The following IL26 variants were observed in gnomAD, a reference collection of about 807,000 sequenced individuals.
The protein encoded by IL26 is interleukin 26, also known as interleukin-26.
Under a neutral mutation model 21.7 loss-of-function variants are expected in IL26, and 23 were observed. The ratio of observed to expected loss-of-function variants is 1.06; its 90% CI spans 0.76 to 1.50. The LOEUF is 1.50. Among genes scored for constraint, IL26 ranks in the 40% most tolerant of loss-of-function variants. The pLI, the probability that IL26 is intolerant of heterozygous loss-of-function variation, is 0.00. For synonymous variants in IL26, 63 were observed against 67.8 expected (o/e 0.93, Z 0.34); for missense variants, 204 against 196.0 (o/e 1.04, Z -0.24).
chr12:68,212,110 C>T (rs1409820657), intron 3 of IL26, among the ~76,000 whole-genome samples: 1 of 152,088 alleles, frequency 6.6e-6, no homozygotes, highest in Non-Finnish European at 1.5e-5. Context: ...ATCGAGTTTT[C>T]CCAGCATCAT....
Position 68,223,883 on chromosome 12 carries a change from G to GTTT in IL26, c.363+1265_363+1266insAAA, listed in dbSNP as rs201652400. On this transcript the variant is annotated intron_variant, in intron 3 of 4. Coordinates refer to ENST00000229134, the MANE Select transcript of IL26 (RefSeq NM_018402.2). ...AAGAAATAGAGAACTTAAATTTGGT[G>GTTT]GTTTTTTTTTTTTTTTTTTGCTTGT... 5.1e-3 allele frequency among the ~76,000 whole-genome samples: 417 copies of GTTT among 81,754 alleles called. 6 individuals are homozygous for GTTT. The highest frequency in any genetic ancestry group is 0.014 in the Middle Eastern group (2 of 138). 53.6% of individuals were successfully genotyped at this position (81,754 alleles called of 152,430 possible).
intron 3 of IL26, among the ~76,000 whole-genome samples, chr12:68,215,636 T>A (rs957764135): frequency 2.0e-5 from 3 of 152,056 alleles, no homozygotes; most frequent in Non-Finnish European, 4.4e-5. Context: ...AGAAAATACC[T>A]TTACCAAAGT....
chr12:68,212,079 T>C (rs1868748879), intron 3 of IL26, among the ~76,000 whole-genome samples: 1 of 152,194 alleles, frequency 6.6e-6, no homozygotes, highest in Non-Finnish European at 1.5e-5. Context: ...GGAGTTTAGT[T>C]TCATTTTTCT....
intron 3 of IL26, among the ~76,000 whole-genome samples, chr12:68,224,470 T>C (rs903185479): frequency 6.6e-6 from 1 of 152,052 alleles, no homozygotes; most frequent in Non-Finnish European, 1.5e-5. Context: ...AGAAGGCATG[T>C]CTATCCCTTT....
At chr12:68,205,116 A>C (rs1868497752) in intron 3 of IL26, among the ~76,000 whole-genome samples, 1 of 152,216 alleles carries the variant, frequency 6.6e-6, no homozygotes, top group African/African-American at 2.4e-5. Flanking sequence ...AAAATGTGAG[A>C]TAATCATGTC....
At chr12:68,218,162 A>G (rs1045107715) in intron 3 of IL26, among the ~76,000 whole-genome samples, 18 of 152,120 alleles carry the variant, frequency 1.2e-4, no homozygotes, top group Admixed American at 9.2e-4. Context: ...CAACAAGGTA[A>G]AATTCATAAT....
intron 3 of IL26, among the ~76,000 whole-genome samples, chr12:68,218,733 A>C (rs941361506): frequency 2.0e-5 from 3 of 151,982 alleles, no homozygotes; most frequent in African/African-American, 7.2e-5. Flanking sequence ...TTCCCAATCA[A>C]CTCCAAGCAC....
intron 3 of IL26, among the ~76,000 whole-genome samples, chr12:68,209,965 TATAGACCTCA>T (rs1171308456): frequency 1.3e-5 from 2 of 152,150 alleles, no homozygotes; most frequent in Non-Finnish European, 2.9e-5. Flanking sequence ...CCTTCATTTT[TATAGACCTCA>T]ATATACAACT....
At chr12:68,214,769 GT>G (rs1194274069) in intron 3 of IL26, among the ~76,000 whole-genome samples, 1 of 151,508 alleles carries the variant, frequency 6.6e-6, no homozygotes, top group Non-Finnish European at 1.5e-5. Context: ...GTTTGGTCTT[GT>G]TTCTTTATCC....
At chr12:68,221,297 T>TGGGAGGAAAAGGAAAGGAATGAA (rs1384542738) in intron 3 of IL26, among the ~76,000 whole-genome samples, 61 of 151,602 alleles carry the variant, frequency 4.0e-4, no homozygotes, top group African/African-American at 1.4e-3. Flanking sequence ...AGGAATGGGG[T>TGGGAGGAAAAGGAAAGGAATGAA]GGGAGGAAAA....
intron 3 of IL26, among the ~76,000 whole-genome samples, chr12:68,206,565 G>A (rs1868549370): frequency 6.6e-6 from 1 of 152,166 alleles, no homozygotes; most frequent in South Asian, 2.1e-4. Context: ...GTTGTACAAT[G>A]GAAAGACTGG....
rs11571031 is a variant in IL26, at chr12:68,211,703, C to A, written c.364-9620G>T. On this transcript the variant is annotated intron_variant, in intron 3 of 4. Coordinates refer to ENST00000229134, the MANE Select transcript of IL26 (RefSeq NM_018402.2). ...TGGCCATTTGTATGTCTATTCAGAT[C>A]TTTTTCCCATTTTTAAATCAGATTA... 5.9e-3 allele frequency among the ~76,000 whole-genome samples: 890 copies of A among 152,134 alleles called. 5 individuals carry two copies. Among genetic ancestry groups the A allele is most frequent in the South Asian group, 0.039 (189 of 4,822 alleles).
intron 3 of IL26, among the ~76,000 whole-genome samples, chr12:68,219,227 C>A (rs1868978619): frequency 6.6e-6 from 1 of 151,966 alleles, no homozygotes; most frequent in African/African-American, 2.4e-5. Context: ...TGGCAGAATA[C>A]ATATTCTTTT....
chr12:68,214,804 T>C (rs552373754), intron 3 of IL26, among the ~76,000 whole-genome samples: 2 of 152,216 alleles, frequency 1.3e-5, no homozygotes, highest in South Asian at 2.1e-4. Context: ...GTCATTTAAT[T>C]AGAAAATTTA....
chr12:68,208,721 G>A lies in IL26; in HGVS notation c.364-6638C>T, dbSNP rs548375039. Among the ~76,000 whole-genome samples, 9 of 152,022 alleles carry A rather than the reference G, an allele frequency of 5.9e-5. No individual in the cohort carries two copies. The South Asian group carries it at 6.2e-4, about 11-fold the overall frequency. On this transcript the variant is annotated intron_variant, in intron 3 of 4. Coordinates refer to ENST00000229134, the MANE Select transcript of IL26 (RefSeq NM_018402.2). ...TCACCATGTTGGCCAGGCTGATCTC[G>A]AACTCCTGACCTCAAGTGATCCACC...
intron 3 of IL26, among the ~76,000 whole-genome samples, chr12:68,221,782 A>G (rs1448494628): frequency 6.6e-6 from 1 of 152,214 alleles, no homozygotes. Flanking sequence ...ACCAAGGATA[A>G]CTCAAATATA....
chr12:68,216,166 C>T (rs1333171243), intron 3 of IL26, among the ~76,000 whole-genome samples: 1 of 151,878 alleles, frequency 6.6e-6, no homozygotes, highest in Non-Finnish European at 1.5e-5. Context: ...TGGCACACGC[C>T]TGTAGTCCCA....
At chr12:68,204,300 C>A (rs1420783880) in intron 3 of IL26, among the ~76,000 whole-genome samples, 1 of 151,960 alleles carries the variant, frequency 6.6e-6, no homozygotes, top group African/African-American at 2.4e-5. Context: ...CCCTCCACCA[C>A]GCCCGGCTGA....
At chr12:68,214,597 CCT>C (rs1868822009) in intron 3 of IL26, among the ~76,000 whole-genome samples, 1 of 151,996 alleles carries the variant, frequency 6.6e-6, no homozygotes, top group South Asian at 2.1e-4. Flanking sequence ...GACTTTCTAC[CCT>C]CTTTTTACGG....
Sources: gnomAD v4.1 joint callset for allele counts (sites outside exome capture counted in the v4.1 genomes callset) on GRCh38, gnomAD v4.1.1 for gene constraint, MANE v1.5 for transcripts, NCBI Gene and HGNC (gene_info 2026-07-23, HGNC 2026-07-21) for gene names.